SP140: variants seen among roughly 807,000 people sequenced by gnomAD.
SP140 encodes nuclear body protein SP140.
SP140 carries 81 observed loss-of-function variants against 125.0 expected under a neutral mutation model. The ratio of observed to expected loss-of-function variants is 0.65; its 90% CI spans 0.54 to 0.78. The LOEUF is 0.78. Among genes scored for constraint, SP140 ranks in the 30% least tolerant of loss-of-function variants. The pLI, the probability that SP140 is intolerant of heterozygous loss-of-function variation, is 0.00. For synonymous variants in SP140, 312 were observed against 354.0 expected (o/e 0.88, Z 1.33); for missense variants, 858 against 1,037.0 (o/e 0.83, Z 2.37).
chr2:230,265,018 C>T (rs2052852725), intron 12 of SP140, among the ~76,000 whole-genome samples: 1 of 152,066 alleles, frequency 6.6e-6, no homozygotes, highest in Admixed American at 6.6e-5. Context: ...ATGGGCCAGC[C>T]CTAGAATTCC....
chr2:230,199,146 TTA>T (rs1329464172), upstream of SP140, among the ~76,000 whole-genome samples: 1 of 133,598 alleles, frequency 7.5e-6, no homozygotes, highest in African/African-American at 3.3e-5. Context: ...ATTATTATTA[TTA>T]TTTTTTTTTT....
the SP140 span, among the ~76,000 whole-genome samples, chr2:230,194,300 A>G: frequency 2.1e-3 from 327 of 152,196 alleles, 1 homozygote; most frequent in African/African-American, 7.2e-3. Context: ...AATTTTGAGT[A>G]AAAGAATAAA....
the SP140 span, among the ~76,000 whole-genome samples, chr2:230,192,873 C>G: frequency 2.6e-5 from 4 of 152,128 alleles, no homozygotes; most frequent in Non-Finnish European, 4.4e-5. Context: ...TCCATTTGTT[C>G]TAGAGTGTAG....
At position 230,216,786 on chromosome 2, in the gene SP140, A is replaced by G. The variant is rs758613785; in HGVS notation, c.-91+2712A>G. ...AAGGGTTCAACATGACTCACCATGT[A>G]CATTCTCTTAGTGATGATGGAGTTG... On this transcript the variant is annotated intron_variant, in intron 3 of 4. Transcript: ENST00000456542. 3.7e-6 allele frequency: 6 copies of G among 1,613,958 alleles called. No individual in the cohort carries two copies. In the South Asian group the frequency reaches 5.5e-5, roughly 15 times the overall value.
At chr2:230,190,375 T>C in the SP140 span, among the ~76,000 whole-genome samples, 1 of 152,208 alleles carries the variant, frequency 6.6e-6, no homozygotes, top group African/African-American at 2.4e-5. Flanking sequence ...TGTCTGTTCA[T>C]ATCCTTTGCC....
At chr2:230,311,706 G>C (rs2059345321) in intron 26 of SP140, 111 bp downstream of exon 26, 1 of 1,185,102 alleles carries the variant, frequency 8.4e-7, no homozygotes, top group Non-Finnish European at 1.2e-6. Context: ...CACGAGCAAG[G>C]GTTCTGGAAG....
intron 18 of SP140, among the ~76,000 whole-genome samples, chr2:230,290,184 T>C (rs1285219271): frequency 6.6e-6 from 1 of 152,160 alleles, no homozygotes; most frequent in Non-Finnish European, 1.5e-5. Flanking sequence ...TAAGAATCAG[T>C]GGAGCTTACG....
chr2:230,280,442 T>G (rs2055372362), intron 15 of SP140, among the ~76,000 whole-genome samples: 1 of 152,214 alleles, frequency 6.6e-6, no homozygotes, highest in Non-Finnish European at 1.5e-5. Flanking sequence ...TGTCTGATAT[T>G]CCTAGCTTCT....
intron 12 of SP140, among the ~76,000 whole-genome samples, chr2:230,263,947 C>T (rs961570097): frequency 6.6e-6 from 1 of 152,164 alleles, no homozygotes; most frequent in Non-Finnish European, 1.5e-5. Context: ...GACAATGTGC[C>T]TAGGCGAAGA....
the SP140 span, among the ~76,000 whole-genome samples, chr2:230,190,345 ATTT>A: frequency 0.12 from 18,104 of 151,268 alleles, 1,365 homozygotes; most frequent in East Asian, 0.18. Context: ...GGCTACGTAA[ATTT>A]TTTTTTTTTT....
chr2:230,249,920 C>T (rs926320062), intron 9 of SP140, among the ~76,000 whole-genome samples: 3 of 152,182 alleles, frequency 2.0e-5, no homozygotes, highest in Non-Finnish European at 4.4e-5. Context: ...GTACTCTTTC[C>T]CCAGTCTCAT....
intron 6 of SP140, 52 bp downstream of exon 6, chr2:230,245,132 C>G: frequency 1.7e-6 from 2 of 1,198,568 alleles, no homozygotes; most frequent in Non-Finnish European, 2.5e-6. Context: ...TGGCCTATCT[C>G]TATGCAACCA....
upstream of SP140, among the ~76,000 whole-genome samples, chr2:230,200,042 GAAAAT>G (rs1330152140): frequency 2.6e-5 from 4 of 152,042 alleles, no homozygotes; most frequent in Non-Finnish European, 5.9e-5. Context: ...GGGTGGTTGT[GAAAAT>G]AAAATAAAAT....
chr2:230,288,518 T>TTTCTTTC (rs1553600262), intron 18 of SP140, among the ~76,000 whole-genome samples: 8,332 of 111,192 alleles, frequency 0.075, 433 homozygotes, highest in South Asian at 0.11. Context: ...TCTTTCTTTC[T>TTTCTTTC]TTCTTTTTTT....
chr2:230,202,794 A>G (rs1407006204), upstream of SP140: 2 of 1,480,524 alleles, frequency 1.4e-6, no homozygotes, highest in African/African-American at 1.4e-5. Flanking sequence ...TACAGTCCCA[A>G]TCAGTGACTT....
chr2:230,249,206 CG>C (rs2049979242), intron 9 of SP140, among the ~76,000 whole-genome samples: 2 of 152,032 alleles, frequency 1.3e-5, no homozygotes, highest in African/African-American at 4.8e-5. Flanking sequence ...GTAGGGAGAA[CG>C]AATATACCAG....
chr2:230,238,226 C>A lies in SP140; in HGVS notation c.251C>A (p.Ala84Asp). The A allele has an allele frequency of 6.3e-7, 1 of 1,591,102 alleles. No homozygotes were observed. Among genetic ancestry groups the A allele is most frequent in the Non-Finnish European group, 8.5e-7 (1 of 1,171,442 alleles). ...SEQMYEHFQE[A>D]FRNLVPVTRV... ...AATATTTTTAAGCATTTTCAAGAAG[C>A]TTTTAGAAACCTGGTCCCAGTGACA... Residue 84 changes from alanine (A) to aspartate (D), a missense_variant, in exon 3 of 27, where the codon GCT becomes GAT. By Grantham distance (126) the Ala-to-Asp change is moderately radical (BLOSUM62 -2). Transcript: ENST00000392045.
rs1461444486 is a variant in SP140, at chr2:230,253,333, G to A, written c.1075G>A (p.Glu359Lys). ...RCGSVSCLSAETFDLKTPQVT... is the reference protein window; with the variant it reads ...RCGSVSCLSAKTFDLKTPQVT... ...TCTGTCAGTTTCTTGTTTATCTGCA[G>A]AGACCTTTGATCTAAAGACTCCCCA... Residue 359 changes from glutamate to lysine, a missense_variant, in exon 11 of 27, where the codon GAG (glutamate) becomes AAG (lysine). Coordinates refer to ENST00000392045, the MANE Select transcript of SP140 (RefSeq NM_007237.5). The A allele has an allele frequency of 6.2e-7, 1 of 1,611,634 alleles. No individual in the cohort carries two copies. The highest frequency in any genetic ancestry group is 1.7e-5 in the Admixed American group (1 of 59,972).
At chr2:230,226,374 GC>G (rs1183781408) in intron 1 of SP140, among the ~76,000 whole-genome samples, 22 of 152,164 alleles carry the variant, frequency 1.4e-4, no homozygotes, top group African/African-American at 5.3e-4. Context: ...GTGGCTCTTA[GC>G]CCTAGAATCA....
Sources: gnomAD v4.1 joint callset for allele counts (sites outside exome capture counted in the v4.1 genomes callset) on GRCh38, gnomAD v4.1.1 for gene constraint, MANE v1.5 for transcripts, NCBI Gene and HGNC (gene_info 2026-07-23, HGNC 2026-07-21) for gene names.